The following OTUD7A variants were observed in gnomAD, a reference collection of about 807,000 sequenced individuals.
OTUD7A encodes the protein OTU domain-containing protein 7A.
In OTUD7A, 12 loss-of-function variants were observed where a neutral mutation model predicts 65.7. That is an observed-to-expected ratio of 0.18 (90% CI 0.12 to 0.30). OTUD7A has a LOEUF of 0.30. Ranked by LOEUF, OTUD7A falls within the 10% of genes least tolerant of loss-of-function variation. The pLI is 1.00. For synonymous variants in OTUD7A, 641 were observed against 586.3 expected, an observed-to-expected ratio of 1.09 and a Z score of -1.35; for missense variants, 1,148 against 1,304.8, an observed-to-expected ratio of 0.88 and a Z score of 1.85.
chr15:31,857,339 G>A (rs1168987551), intron 1 of OTUD7A, among the ~76,000 whole-genome samples: 1 of 152,178 alleles, frequency 6.6e-6, no homozygotes, highest in African/African-American at 2.4e-5. Context: ...CCTTAGCCAG[G>A]AGCCGGGCCT....
rs187531956 is a variant in OTUD7A at position 31,765,981 on chromosome 15, T to G, written c.-100+104526A>C. ...AATTGCAGCTTGAGAGGTAGAAATT[T>G]TTTGCTCATCAAACTCCTGAGCACT... On this transcript the variant is annotated intron_variant, in intron 1 of 12. Transcript: ENST00000307050. The G allele has an allele frequency of 5.6e-4, 840 of 1,498,074 alleles. 7 individuals are homozygous for G. In the African/African-American group the frequency reaches 0.01, roughly 18 times the overall value. The allele number at this position is 1,498,074 out of a possible 1,614,324, so 92.8% of individuals were successfully genotyped here. A position where few individuals can be genotyped will look rare whatever the true frequency, so the allele number is the denominator to read the frequency against.
chr15:31,588,794 G>A (rs1889625337), intron 3 of OTUD7A, among the ~76,000 whole-genome samples: 1 of 152,228 alleles, frequency 6.6e-6, no homozygotes, highest in African/African-American at 2.4e-5. Context: ...CAACCAGCAG[G>A]GACAGGGGAA....
chr15:31,627,791 T>A (rs1184311130), intron 3 of OTUD7A, among the ~76,000 whole-genome samples: 1 of 152,224 alleles, frequency 6.6e-6, no homozygotes, highest in Non-Finnish European at 1.5e-5. Context: ...TTCTAAGTGG[T>A]GTGAGATGGT....
chr15:31,648,937 T>C (rs1323397339), intron 3 of OTUD7A, among the ~76,000 whole-genome samples: 2 of 152,100 alleles, frequency 1.3e-5, no homozygotes, highest in Non-Finnish European at 2.9e-5. Flanking sequence ...ATTTTTGTAT[T>C]TGTAGGAGAG....
At chr15:31,814,590 C>G (rs970360612) in intron 1 of OTUD7A, among the ~76,000 whole-genome samples, 1 of 151,170 alleles carries the variant, frequency 6.6e-6, no homozygotes, top group Non-Finnish European at 1.5e-5. Context: ...GCAGTGCAAT[C>G]TTGGCTCACT....
Position 31,643,930 on chromosome 15 carries a change from C to T in OTUD7A, c.151+11166G>A, listed in dbSNP as rs142307855. ...TCTAATAGAAAGCAGCCTGGAAGACCGGGCTGCAAACAGATAAGGAAGCTG... is the reference window on the plus strand; with the variant it reads ...TCTAATAGAAAGCAGCCTGGAAGACTGGGCTGCAAACAGATAAGGAAGCTG... On this transcript the variant is annotated intron_variant, in intron 3 of 12. Transcript: ENST00000307050. Among the ~76,000 whole-genome samples, 1,358 of 152,216 alleles carry T rather than the reference C, an allele frequency of 8.9e-3. 29 individuals are homozygous for T. Among genetic ancestry groups the T allele is most frequent in the African/African-American group, 0.031 (1,306 of 41,526 alleles).
intron 1 of OTUD7A, among the ~76,000 whole-genome samples, chr15:31,740,379 A>G (rs1894308153): frequency 6.8e-6 from 1 of 147,630 alleles, no homozygotes; most frequent in Non-Finnish European, 1.5e-5. Flanking sequence ...GCCTCATGCT[A>G]GAGCTCACAT....
intron 3 of OTUD7A, among the ~76,000 whole-genome samples, chr15:31,634,696 T>A (rs1251988120): frequency 6.6e-6 from 1 of 152,232 alleles, no homozygotes; most frequent in African/African-American, 2.4e-5. Flanking sequence ...CACCAGGGCA[T>A]GAGTGCCGAT....
rs147389743 is a variant in OTUD7A, at chr15:31,520,923, T to A, written c.893+5426A>T. ...GGATTAGATAAAGAAAATGTATATA[T>A]ATACCATGGAATATGACTCAGCCAT... On this transcript the variant is annotated intron_variant, in intron 8 of 12. Transcript: ENST00000307050. Among the ~76,000 whole-genome samples, 483 of 152,308 alleles carry A rather than the reference T, an allele frequency of 3.2e-3. 2 individuals are homozygous for A. The highest frequency in any genetic ancestry group is 0.011 in the African/African-American group (454 of 41,562).
At chr15:31,838,648 A>T (rs900634230) in intron 1 of OTUD7A, among the ~76,000 whole-genome samples, 2 of 119,128 alleles carry the variant, frequency 1.7e-5, no homozygotes, top group Non-Finnish European at 3.5e-5. Context: ...TTCCTAACTG[A>T]TCTCAAAGAC....
rs199744400 is a variant in OTUD7A, at chr15:31,484,007, T to TGGC, written c.2086_2088dup (p.Ala696dup). On this transcript the variant is annotated inframe_insertion, in exon 13 of 13. Transcript: ENST00000307050. This position sits in a 1 kb window ranked among gnomAD's most constrained non-coding sequence, Gnocchi z 4.5. ...GGTCTGCGCGGCGGCCGCTTGGCCG[T>TGGC]GGCGGCGGCGGCGGCGGCGGCAGCG... 1.8e-3 allele frequency: 2,159 copies of TGGC among 1,171,326 alleles called. 2 individuals carry two copies. Among genetic ancestry groups the TGGC allele is most frequent in the Non-Finnish European group, 1.9e-3 (1,795 of 952,290 alleles). 72.6% of individuals were successfully genotyped at this position (1,171,326 alleles called of 1,614,324 possible).
At chr15:31,851,848 GTTTGTTTTGT>G (rs541684091) in intron 1 of OTUD7A, among the ~76,000 whole-genome samples, 44 of 152,200 alleles carry the variant, frequency 2.9e-4, no homozygotes, top group African/African-American at 5.8e-4. Flanking sequence ...TTTGTGTTTT[GTTTGTTTTGT>G]TTTGTTTTGT....
At chr15:31,795,831 C>T (rs1895937034) in intron 1 of OTUD7A, among the ~76,000 whole-genome samples, 1 of 152,170 alleles carries the variant, frequency 6.6e-6, no homozygotes, top group African/African-American at 2.4e-5. Flanking sequence ...AAGTGAGGAA[C>T]AGGCCCATAT....
At chr15:31,776,300 C>A (rs537957277) in intron 1 of OTUD7A, among the ~76,000 whole-genome samples, 1 of 152,340 alleles carries the variant, frequency 6.6e-6, no homozygotes, top group African/African-American at 2.4e-5. Flanking sequence ...CCTAACCACT[C>A]GGGCTTTGCG....
chr15:31,863,955 G>A (rs897046952), intron 1 of OTUD7A, among the ~76,000 whole-genome samples: 2 of 152,142 alleles, frequency 1.3e-5, no homozygotes, highest in African/African-American at 4.8e-5. Flanking sequence ...TTGCTGCTTA[G>A]AAGTTTCTTC....
At chr15:31,710,686 C>T (rs1462784672) in intron 1 of OTUD7A, among the ~76,000 whole-genome samples, 1 of 152,274 alleles carries the variant, frequency 6.6e-6, no homozygotes, top group Admixed American at 6.5e-5. Context: ...CTGCTGTTCA[C>T]ACCCACGCTT....
chr15:31,499,310 C>T (rs369015642), intron 10 of OTUD7A, among the ~76,000 whole-genome samples: 18 of 152,290 alleles, frequency 1.2e-4, no homozygotes, highest in South Asian at 1.0e-3. Context: ...GTTTATAGGA[C>T]GGACAGGGTA....
intron 9 of OTUD7A, 100 bp downstream of exon 9, chr15:31,503,591 G>A: frequency 6.8e-7 from 1 of 1,461,096 alleles, no homozygotes; most frequent in Non-Finnish European, 9.5e-7. Context: ...GATGCTTTGT[G>A]GCCTCTGGGA....
chr15:31,549,878 T>A (rs1343902284), intron 5 of OTUD7A, among the ~76,000 whole-genome samples: 1 of 152,164 alleles, frequency 6.6e-6, no homozygotes, highest in Admixed American at 6.5e-5. Context: ...TTCTTTCCCC[T>A]TTCCTGTAGT....
Sources: allele counts gnomAD v4.1 joint callset (sites outside exome capture counted in the v4.1 genomes callset), GRCh38; gene constraint gnomAD v4.1.1; non-coding constraint Gnocchi (gnomAD v3.1); transcripts MANE v1.5; gene names NCBI Gene and HGNC (gene_info 2026-07-23, HGNC 2026-07-21).